Variants in ZFHX3 observed in about 807,000 individuals in gnomAD.
The protein encoded by ZFHX3 is zinc finger homeobox protein 3.
ZFHX3 carries 42 observed loss-of-function variants against 279.1 expected under a neutral mutation model. The ratio of observed to expected loss-of-function variants is 0.15; its 90% CI spans 0.12 to 0.19. The LOEUF (loss-of-function observed/expected upper bound fraction) is 0.19. Ranked by LOEUF, ZFHX3 falls within the 10% of genes least tolerant of loss-of-function variation. The probability of loss-of-function intolerance (pLI) is 1.00; values close to 1 mark genes in which losing one functional copy is unlikely to be tolerated. For synonymous variants in ZFHX3, 2,293 were observed against 1,957.8 expected (o/e 1.17, Z -4.52); for missense variants, 4,981 against 4,754.0 (o/e 1.05, Z -1.40).
chr16:73,170,234 T>TTTTTTTTTTTTTTTTTTTTTTTTTTTTTG (rs1967490446), intron 5 of ZFHX3, among the ~76,000 whole-genome samples: 1 of 135,414 alleles, frequency 7.4e-6, no homozygotes, highest in Non-Finnish European at 1.6e-5. Flanking sequence ...TTTTTTTTTT[T>TTTTTTTTTTTTTTTTTTTTTTTTTTTTTG]TTTTTTTTTT....
At chr16:73,184,456 T>G (rs762633337) in intron 5 of ZFHX3, among the ~76,000 whole-genome samples, 4 of 152,178 alleles carry the variant, frequency 2.6e-5, no homozygotes, top group Admixed American at 6.5e-5. Context: ...CTTCTTTGTG[T>G]TTATGGCTTG....
Position 73,113,659 on chromosome 16 carries a change from T to C in ZFHX3, c.-897+17309A>G, listed in dbSNP as rs151330245. Among the ~76,000 whole-genome samples, 403 of 152,244 alleles carry C rather than the reference T, an allele frequency of 2.6e-3. 2 individuals are homozygous for C. The highest frequency in any genetic ancestry group is 9.3e-3 in the African/African-American group (385 of 41,550). ...AGGAAGGAACATTCTAGAAGAGATA[T>C]GAGAAAGTGGAATTAAACACGGATG... On this transcript the variant is annotated intron_variant, in intron 7 of 17. Coordinates refer to the ZFHX3 transcript ENST00000641206.
chr16:73,385,450 G>C (rs2016883568), intron 3 of ZFHX3, among the ~76,000 whole-genome samples: 1 of 152,114 alleles, frequency 6.6e-6, no homozygotes, highest in African/African-American at 2.4e-5. Flanking sequence ...CATCACCAAG[G>C]CTGCTATCAC....
chr16:73,709,800 G>A (rs919032791), intron 1 of ZFHX3, among the ~76,000 whole-genome samples: 20 of 152,144 alleles, frequency 1.3e-4, no homozygotes, highest in Admixed American at 1.3e-3. Flanking sequence ...AAAATGGTAA[G>A]TATGTAAAAT....
intron 1 of ZFHX3, among the ~76,000 whole-genome samples, chr16:73,836,009 G>C (rs761490388): frequency 2.0e-5 from 3 of 152,202 alleles, no homozygotes; most frequent in Admixed American, 6.5e-5. Flanking sequence ...ACTTTGCATG[G>C]AAAGGAAAAT....
chr16:72,793,958 A>T lies in ZFHX3; in HGVS notation c.8724T>A (p.Asn2908Lys). 6.2e-7 allele frequency: 1 copy of T among 1,614,160 alleles called. No individual in the cohort carries two copies. The highest frequency in any genetic ancestry group is 8.5e-7 in the Non-Finnish European group (1 of 1,180,028). The change falls in exon 9 of 10, where the codon AAT becomes AAA. Residue 2908 changes from asparagine (N) to lysine (K), a missense_variant. Around this residue, in one of 7 missense-constraint regions of ZFHX3, gnomAD observed 168 missense variants for 249.1 expected, o/e 0.67. Coordinates refer to ENST00000268489, the MANE Select transcript of ZFHX3 (RefSeq NM_006885.4). The surrounding 1 kb of genome is among the most constrained non-coding windows in gnomAD (Gnocchi z 4.3). ...APSFYSKEYD[N>K]EGTVDYSETS... ...TTTCACTGTAGTCCACTGTACCTTC[A>T]TTGTCATATTCCTTGCTATAAAAGC...
intron 2 of ZFHX3, among the ~76,000 whole-genome samples, chr16:73,501,494 C>T (rs984539817): frequency 3.3e-5 from 5 of 152,172 alleles, no homozygotes; most frequent in African/African-American, 1.2e-4. Context: ...TCCCTCCCTA[C>T]TCTGAATGTG....
intron 5 of ZFHX3, among the ~76,000 whole-genome samples, chr16:73,173,102 C>T (rs2144869436): frequency 7.2e-6 from 1 of 139,050 alleles, no homozygotes; most frequent in Admixed American, 7.9e-5. Flanking sequence ...AACCTTGTTT[C>T]CTGTGATGCA....
At chr16:72,849,637 T>C (rs772285265) in intron 4 of ZFHX3, among the ~76,000 whole-genome samples, 11 of 152,232 alleles carry the variant, frequency 7.2e-5, no homozygotes, top group Non-Finnish European at 1.0e-4. Context: ...ATTGGTGCCA[T>C]TGATCAGCGG....
intron 7 of ZFHX3, among the ~76,000 whole-genome samples, chr16:73,118,210 A>G (rs1420837232): frequency 6.6e-6 from 1 of 152,018 alleles, no homozygotes. Context: ...TTTTGTTCTT[A>G]GTTTTTTTTG....
intron 2 of ZFHX3, among the ~76,000 whole-genome samples, chr16:73,488,072 C>T (rs1161384611): frequency 6.6e-6 from 1 of 152,120 alleles, no homozygotes; most frequent in East Asian, 1.9e-4. Flanking sequence ...CATTTTTGTT[C>T]CAAGCTTCTA....
At chr16:73,074,494 T>C (rs760990561) in intron 8 of ZFHX3, among the ~76,000 whole-genome samples, 13 of 152,132 alleles carry the variant, frequency 8.5e-5, no homozygotes, top group Non-Finnish European at 1.8e-4. Flanking sequence ...CCATATGGAG[T>C]GTTCACTGTA....
At chr16:73,623,993 C>T (rs2052392802) in intron 2 of ZFHX3, among the ~76,000 whole-genome samples, 1 of 152,144 alleles carries the variant, frequency 6.6e-6, no homozygotes, top group Admixed American at 6.6e-5. Flanking sequence ...ATATATTTTT[C>T]CCCTTTGCAA....
At chr16:73,630,908 C>T (rs2052462290) in intron 2 of ZFHX3, among the ~76,000 whole-genome samples, 1 of 152,204 alleles carries the variant, frequency 6.6e-6, no homozygotes, top group African/African-American at 2.4e-5. Flanking sequence ...AAAGAGGTGA[C>T]ATGAATGTCT....
intron 7 of ZFHX3, among the ~76,000 whole-genome samples, chr16:73,112,244 GAGAA>G: frequency 6.6e-6 from 1 of 152,086 alleles, no homozygotes; most frequent in Non-Finnish European, 1.5e-5. Flanking sequence ...GGGATAATGA[GAGAA>G]AGAGAGGCAG....
intron 3 of ZFHX3, among the ~76,000 whole-genome samples, chr16:73,360,823 T>C (rs374323509): frequency 3.9e-5 from 6 of 152,268 alleles, no homozygotes; most frequent in African/African-American, 1.4e-4. Context: ...CATTAAGTCT[T>C]TGCAAGCTGC....
chr16:73,179,443 T>C (rs6499619), intron 5 of ZFHX3, among the ~76,000 whole-genome samples: 25,363 of 152,144 alleles, frequency 0.17, 2,260 homozygotes, highest in African/African-American at 0.21. Context: ...TGGTCAAAGG[T>C]TATATTGAAA....
At chr16:73,427,315 T>C (rs1476128435) in intron 3 of ZFHX3, among the ~76,000 whole-genome samples, 1 of 152,146 alleles carries the variant, frequency 6.6e-6, no homozygotes, top group Non-Finnish European at 1.5e-5. Flanking sequence ...TGCATCCCAT[T>C]CACCATCATT....
intron 3 of ZFHX3, among the ~76,000 whole-genome samples, chr16:73,391,094 G>T (rs922765263): frequency 6.6e-6 from 1 of 152,114 alleles, no homozygotes; most frequent in African/African-American, 2.4e-5. Flanking sequence ...ACTGACCTGA[G>T]CGTGGGAGGC....
Sources: allele counts gnomAD v4.1 joint callset (sites outside exome capture counted in the v4.1 genomes callset), GRCh38; gene constraint gnomAD v4.1.1; regional missense constraint gnomAD v4.1.1; non-coding constraint Gnocchi (gnomAD v3.1); transcripts MANE v1.5; gene names NCBI Gene and HGNC (gene_info 2026-07-23, HGNC 2026-07-21).